Variants in ECT2 observed in about 807,000 individuals in gnomAD.
The protein encoded by ECT2 is epithelial cell transforming 2, also known as protein ECT2.
ECT2 carries 61 observed loss-of-function variants against 116.9 expected under a neutral mutation model. The ratio of observed to expected loss-of-function variants is 0.52; its 90% CI spans 0.42 to 0.65. The LOEUF is 0.65. Ranked by LOEUF, ECT2 falls within the 30% of genes least tolerant of loss-of-function variation. The pLI is 0.00. For synonymous variants in ECT2, 358 were observed against 346.4 expected (o/e 1.03, Z -0.37); for missense variants, 937 against 1,078.7 (o/e 0.87, Z 1.84).
At chr3:172,828,911 A>T in the ECT2 span, 1 of 1,450,698 alleles carries the variant, frequency 6.9e-7, no homozygotes. Context: ...GCCAAACACA[A>T]TTCCAATGCC....
chr3:172,813,463 T>C (rs1290688061), intron 22 of ECT2, among the ~76,000 whole-genome samples: 2 of 152,098 alleles, frequency 1.3e-5, no homozygotes, highest in Non-Finnish European at 2.9e-5. Flanking sequence ...CAGGAACTTT[T>C]CATATTCTGC....
At position 172,750,853 on chromosome 3, in the gene ECT2, G is replaced by A. The variant is rs1309341788; in HGVS notation, c.-27G>A. 1.3e-5 allele frequency: 2 copies of A among 152,898 alleles called. No individual in the cohort carries two copies. Among genetic ancestry groups the A allele is most frequent in the Admixed American group, 1.3e-4 (2 of 15,290 alleles). The allele number at this position is 152,898 out of a possible 1,614,324, so 9.5% of individuals were successfully genotyped here. On this transcript the variant is annotated 5_prime_UTR_variant, in exon 1 of 25. Coordinates refer to ENST00000392692, the MANE Select transcript of ECT2 (RefSeq NM_001258315.2). The stretch of plus-strand genomic sequence containing the variant: ...GGTGGAACTCCTAGGGCTTTTTTGA[G>A]AGTGGTAAGGACTCTGTGTGAGTGA...
chr3:172,763,402 T>C (rs1718718249), intron 11 of ECT2, among the ~76,000 whole-genome samples: 1 of 152,190 alleles, frequency 6.6e-6, no homozygotes, highest in South Asian at 2.1e-4. Flanking sequence ...GGACATTCGT[T>C]AGAACCCCAA....
chr3:172,764,270 G>C lies in ECT2; in HGVS notation c.1069-8G>C. On this transcript the variant is annotated splice_polypyrimidine_tract_variant and splice_region_variant and intron_variant, in intron 11 of 24. Transcript: ENST00000392692. ...AAGTAAATTGAGCTTGTGTGCTTTTGATTACAGGCAAATACTCCTGAGCTC... is the reference window on the plus strand; with the variant it reads ...AAGTAAATTGAGCTTGTGTGCTTTTCATTACAGGCAAATACTCCTGAGCTC... The C allele has an allele frequency of 6.2e-7, 1 of 1,612,412 alleles. No individual in the cohort carries two copies. The highest frequency in any genetic ancestry group is 8.5e-7 in the Non-Finnish European group (1 of 1,178,678).
the ECT2 span, chr3:172,828,645 T>C: frequency 4.5e-6 from 1 of 223,818 alleles, no homozygotes; most frequent in Non-Finnish European, 8.9e-6. Flanking sequence ...AAACGTTGTG[T>C]TTAATGGTAA....
At position 172,782,145 on chromosome 3, in the gene ECT2, C is replaced by T; in HGVS notation, c.1549-18C>T. The T allele has an allele frequency of 6.7e-7, 1 of 1,484,568 alleles. No individual in the cohort carries two copies. The highest frequency in any genetic ancestry group is 9.1e-7 in the Non-Finnish European group (1 of 1,094,856). The allele number at this position is 1,484,568 out of a possible 1,614,324, so 92.0% of individuals were successfully genotyped here. A position where few individuals can be genotyped will look rare whatever the true frequency, so the allele number is the denominator to read the frequency against. On this transcript the variant is annotated intron_variant, in intron 14 of 24. Coordinates refer to ENST00000392692, the MANE Select transcript of ECT2 (RefSeq NM_001258315.2). ...CTGTCAGGTTTAATTTTAAATATTTCAATTCGTGCTATTTCAGGATGATCT... is the reference window on the plus strand; with the variant it reads ...CTGTCAGGTTTAATTTTAAATATTTTAATTCGTGCTATTTCAGGATGATCT...
intron 14 of ECT2, among the ~76,000 whole-genome samples, chr3:172,776,198 C>CTTTTTTTTTTTTTTTTTTT (rs60558773): frequency 9.0e-6 from 1 of 111,600 alleles, no homozygotes; most frequent in African/African-American, 3.5e-5. Context: ...TCAGTTTTTT[C>CTTTTTTTTTTTTTTTTTTT]TTTTTTTTTT....
intron 14 of ECT2, 41 bp downstream of exon 14, chr3:172,774,063 A>G (rs1042183181): frequency 6.3e-7 from 1 of 1,576,710 alleles, no homozygotes; most frequent in Non-Finnish European, 8.7e-7. Context: ...TTTTTTTCAG[A>G]TTGTACATAT....
intron 19 of ECT2, 34 bp downstream of exon 19, chr3:172,802,728 TTTC>T (rs1409351382): frequency 6.5e-7 from 1 of 1,535,024 alleles, no homozygotes; most frequent in East Asian, 2.3e-5. Flanking sequence ...ATTAATTTAT[TTTC>T]TTCTTGTTAA....
At position 172,772,712 on chromosome 3, in the gene ECT2, C is replaced by T. The variant is rs192695295; in HGVS notation, c.1429-1191C>T. ...TAAGTTTAAGTCATGAAGATTTTCT[C>T]TTCTGTTTTCTTCTAAAAGTTTTAT... On this transcript the variant is annotated intron_variant, in intron 13 of 24. Coordinates refer to ENST00000392692, the MANE Select transcript of ECT2 (RefSeq NM_001258315.2). 2.3e-3 allele frequency among the ~76,000 whole-genome samples: 354 copies of T among 152,020 alleles called. 2 individuals are homozygous for T. The highest frequency in any genetic ancestry group is 8.2e-3 in the African/African-American group (338 of 41,464).
chr3:172,808,534 G>A (rs1405448926), intron 22 of ECT2, among the ~76,000 whole-genome samples: 2 of 152,030 alleles, frequency 1.3e-5, no homozygotes, highest in Non-Finnish European at 2.9e-5. Context: ...ATCAAAATAG[G>A]GAAGTTAAAT....
chr3:172,816,263 G>A (rs1729700008), intron 23 of ECT2, among the ~76,000 whole-genome samples: 1 of 151,962 alleles, frequency 6.6e-6, no homozygotes. Flanking sequence ...CCCTTGGTGG[G>A]GGGGCTTTGT....
intron 2 of ECT2, 78 bp from the exon 3 acceptor site, chr3:172,755,217 T>C (rs887086033): frequency 1.5e-5 from 16 of 1,097,940 alleles, no homozygotes; most frequent in African/African-American, 6.6e-5. Flanking sequence ...ATACTAGATA[T>C]AGCCAAAAGA....
intron 17 of ECT2, 62 bp downstream of exon 17, chr3:172,784,865 A>G: frequency 9.6e-7 from 1 of 1,038,798 alleles, no homozygotes; most frequent in Non-Finnish European, 1.4e-6. Context: ...TTTTCCAAAA[A>G]AGATGAATTT....
intron 1 of ECT2, among the ~76,000 whole-genome samples, chr3:172,753,142 C>CT (rs1378974203): frequency 1.3e-5 from 2 of 152,160 alleles, no homozygotes; most frequent in Non-Finnish European, 2.9e-5. Flanking sequence ...GTCACCTAGA[C>CT]TGACTGGAGT....
At chr3:172,772,859 A>G (rs1490128730) in intron 13 of ECT2, among the ~76,000 whole-genome samples, 2 of 152,172 alleles carry the variant, frequency 1.3e-5, no homozygotes, top group Non-Finnish European at 2.9e-5. Flanking sequence ...CCGTTTGTTG[A>G]AAGACTATCC....
chr3:172,818,658 A>G (rs773022688), intron 24 of ECT2: 22 of 1,289,420 alleles, frequency 1.7e-5, no homozygotes, highest in Non-Finnish European at 2.0e-5. Context: ...TTCAATCTGT[A>G]CGTCATTCTG....
intron 14 of ECT2, among the ~76,000 whole-genome samples, chr3:172,776,631 G>A (rs761148401): frequency 1.3e-5 from 2 of 152,104 alleles, no homozygotes; most frequent in Non-Finnish European, 2.9e-5. Context: ...CTGGATCCAA[G>A]ACTTGAACCT....
rs188764320 is a variant in ECT2 at position 172,812,942 on chromosome 3, C to G, written c.2401-2662C>G. On this transcript the variant is annotated intron_variant, in intron 22 of 24. Transcript: ENST00000392692. ...CAGTAGTATAGGAAATGTGATCCCT[C>G]TACTATGAGATATAGGAAATCCTAG... 7.0e-4 allele frequency among the ~76,000 whole-genome samples: 107 copies of G among 152,252 alleles called. 2 individuals carry two copies. In the East Asian group the frequency reaches 9.3e-3, roughly 13 times the overall value.
Sources: allele counts gnomAD v4.1 joint callset (sites outside exome capture counted in the v4.1 genomes callset), GRCh38; gene constraint gnomAD v4.1.1; transcripts MANE v1.5; gene names NCBI Gene and HGNC (gene_info 2026-07-23, HGNC 2026-07-21).